Variants in KMT5B observed in about 807,000 individuals in gnomAD.
KMT5B encodes lysine methyltransferase 5B.
KMT5B carries 10 observed loss-of-function variants against 83.2 expected under a neutral mutation model. That is an observed-to-expected ratio of 0.12 (90% CI 0.07 to 0.20). The LOEUF is 0.20. Ranked by LOEUF, KMT5B falls within the 10% of genes least tolerant of loss-of-function variation. The pLI, the probability that KMT5B is intolerant of heterozygous loss-of-function variation, is 1.00. For synonymous variants in KMT5B, 349 were observed against 388.8 expected, an observed-to-expected ratio of 0.90 and a Z score of 1.20; for missense variants, 753 against 1,067.2, an observed-to-expected ratio of 0.71 and a Z score of 4.10.
chr11:68,157,984 T>C lies in KMT5B; in HGVS notation c.2362A>G (p.Arg788Gly). The change falls in exon 11 of 11, where the codon AGG (arginine) becomes GGG (glycine). Residue 788 changes from arginine (R) to glycine (G), a missense_variant. Arg to Gly is a moderately radical substitution (Grantham distance 125). Around this residue, in one of 9 missense-constraint regions of KMT5B, gnomAD observed 161 missense variants for 195.1 expected, o/e 0.83. Transcript: ENST00000304363. Reference sequence around the variant, plus strand: ...TGAAGCCCCTCTGTATAAGACCCCCTATTTTCCTCATCTCGTTTTAGCTGG... The same window carrying C: ...TGAAGCCCCTCTGTATAAGACCCCCCATTTTCCTCATCTCGTTTTAGCTGG... ...KIQLKRDEEN[R>G]GSYTEGLHEN... The C allele has an allele frequency of 1.9e-6, 3 of 1,614,132 alleles. No individual in the cohort carries two copies. The highest frequency in any genetic ancestry group is 1.1e-5 in the South Asian group (1 of 91,076).
chr11:68,172,776 C>A (rs71459691), intron 6 of KMT5B, among the ~76,000 whole-genome samples: 15,157 of 152,066 alleles, frequency 0.1, 827 homozygotes, highest in East Asian at 0.23. Context: ...CATAATCCAA[C>A]TAGCAGGCTC....
At chr11:68,173,672 C>A (rs1020180520) in intron 6 of KMT5B, 132 bp downstream of exon 6, 7 of 617,234 alleles carry the variant, frequency 1.1e-5, no homozygotes, top group Non-Finnish European at 1.7e-5. Flanking sequence ...TGGGCCAAGG[C>A]AACGGCGATG....
At chr11:68,200,524 GA>G in intron 1 of KMT5B, among the ~76,000 whole-genome samples, 1 of 152,292 alleles carries the variant, frequency 6.6e-6, no homozygotes, top group South Asian at 2.1e-4. Flanking sequence ...TTTGCTTTAA[GA>G]AACAGATGGC....
In KMT5B at chr11:68,158,317, C is replaced by T; in HGVS notation, c.2029G>A (p.Val677Ile). 6.2e-7 allele frequency: 1 copy of T among 1,614,196 alleles called. No individual in the cohort carries two copies. The highest frequency in any genetic ancestry group is 1.1e-5 in the South Asian group (1 of 91,082). ...DCAPSPVGCS[V>I]VTSDSFKTKD... is the part of the protein sequence containing the mutation. The stretch of plus-strand genomic sequence containing the variant: ...GTTTTGAAGCTATCTGATGTCACAA[C>T]TGAACAACCGACGGGTGAAGGAGCA... The change falls in exon 11 of 11, where the codon GTT (valine) becomes ATT (isoleucine). Residue 677 changes from valine (V) to isoleucine (I), a missense_variant. Around this residue, in one of 9 missense-constraint regions of KMT5B, gnomAD observed 397 missense variants for 395.9 expected, o/e 1.00. Coordinates refer to ENST00000304363, the MANE Select transcript of KMT5B (RefSeq NM_017635.5).
intron 9 of KMT5B, among the ~76,000 whole-genome samples, chr11:68,170,396 G>C (rs1352160477): frequency 6.6e-6 from 1 of 152,120 alleles, no homozygotes; most frequent in Non-Finnish European, 1.5e-5. Context: ...CCTTTGAGGG[G>C]ACTCTTCCTG....
At chr11:68,204,127 C>CTTCA (rs1343738139) in intron 1 of KMT5B, among the ~76,000 whole-genome samples, 20 of 152,044 alleles carry the variant, frequency 1.3e-4, no homozygotes, top group South Asian at 6.2e-4. Context: ...AGGTAGAATG[C>CTTCA]TTCACCCACT....
intron 4 of KMT5B, chr11:68,179,783 TAGACGCTGAGTGAGG>T: frequency 2.0e-6 from 1 of 489,236 alleles, no homozygotes; most frequent in Non-Finnish European, 3.1e-6. Context: ...CCACAGTTTG[TAGACGCTGAGTGAGG>T]AGTCGCAGAT....
At position 68,189,827 on chromosome 11, in the gene KMT5B, A is replaced by G; in HGVS notation, c.160+90T>C. ...ATGAAAATGCAAAAAATTATTTAAG[A>G]CAAAAGAAAACAGAATACACATTAC... On this transcript the variant is annotated intron_variant, in intron 2 of 10. Transcript: ENST00000304363. 3.1e-6 allele frequency: 4 copies of G among 1,308,564 alleles called. No individual in the cohort carries two copies. The South Asian group carries it at 6.8e-5, about 22-fold the overall frequency. The allele number at this position is 1,308,564 out of a possible 1,614,324, so 81.1% of individuals were successfully genotyped here.
At chr11:68,164,155 T>C (rs900835416) in intron 10 of KMT5B, among the ~76,000 whole-genome samples, 2 of 152,212 alleles carry the variant, frequency 1.3e-5, no homozygotes, top group Admixed American at 6.5e-5. Context: ...GATTCCTTGT[T>C]GTCTCTACTT....
intron 3 of KMT5B, among the ~76,000 whole-genome samples, chr11:68,185,246 C>A (rs1313877369): frequency 6.6e-6 from 1 of 152,010 alleles, no homozygotes. Context: ...GCTCTTGTTG[C>A]CCAGACTGGA....
Position 68,157,673 on chromosome 11 carries a change from G to C in KMT5B, c.*15C>G. The C allele has an allele frequency of 6.5e-7, 1 of 1,527,242 alleles. No individual in the cohort carries two copies. Among genetic ancestry groups the C allele is most frequent in the Non-Finnish European group, 8.8e-7 (1 of 1,140,306 alleles). The allele number at this position is 1,527,242 out of a possible 1,614,324, so 94.6% of individuals were successfully genotyped here. On this transcript the variant is annotated 3_prime_UTR_variant, in exon 11 of 11. Coordinates refer to ENST00000304363, the MANE Select transcript of KMT5B (RefSeq NM_017635.5). Reference sequence around the variant, plus strand: ...CTTTAAAGTAGTTATCCCAGGTCAAGTTAAGACCAAGAGCTTAGGCATTAA... The same window carrying C: ...CTTTAAAGTAGTTATCCCAGGTCAACTTAAGACCAAGAGCTTAGGCATTAA...
At chr11:68,212,819 A>G (rs1861098840) in intron 1 of KMT5B, 1 of 151,872 alleles carries the variant, frequency 6.6e-6, no homozygotes, top group Admixed American at 6.5e-5. Context: ...GAGAAAAGGG[A>G]AAACAGAGTC....
chr11:68,179,951 T>C (rs1202981370), intron 4 of KMT5B, 181 bp downstream of exon 4: 1 of 650,086 alleles, frequency 1.5e-6, no homozygotes. Flanking sequence ...AATCACCCTG[T>C]TATGAAGTAC....
At chr11:68,206,040 C>T (rs896701016) in intron 1 of KMT5B, among the ~76,000 whole-genome samples, 6 of 152,186 alleles carry the variant, frequency 3.9e-5, no homozygotes, top group Non-Finnish European at 7.3e-5. Context: ...ACATTCAATA[C>T]GTATTTACGA....
chr11:68,210,910 T>C (rs1860813961), intron 1 of KMT5B, among the ~76,000 whole-genome samples: 1 of 152,122 alleles, frequency 6.6e-6, no homozygotes, highest in African/African-American at 2.4e-5. Flanking sequence ...GTAAAGCTCA[T>C]ACATGGTACA....
In KMT5B at chr11:68,158,930, C is replaced by T. The variant is rs1157451590; in HGVS notation, c.1416G>A (p.Met472Ile). Reference sequence around the variant, plus strand: ...TAGGCTCTTTCAGTACTAAGTTTCCCATTTCGAGTTTTCTTGAAGCATTCT... The same window carrying T: ...TAGGCTCTTTCAGTACTAAGTTTCCTATTTCGAGTTTTCTTGAAGCATTCT... ...EQKNASRKLE[M>I]GNLVLKEPKV... The change falls in exon 11 of 11, where the codon ATG becomes ATA. Residue 472 changes from methionine (M) to isoleucine (I), a missense_variant. Around this residue, in one of 9 missense-constraint regions of KMT5B, gnomAD observed 397 missense variants for 395.9 expected, o/e 1.00. Transcript: ENST00000304363. 6.2e-7 allele frequency: 1 copy of T among 1,613,716 alleles called. No homozygotes were observed. The highest frequency in any genetic ancestry group is 8.5e-7 in the Non-Finnish European group (1 of 1,179,964).
At chr11:68,207,693 A>C (rs574637545) in intron 1 of KMT5B, among the ~76,000 whole-genome samples, 235 of 148,974 alleles carry the variant, frequency 1.6e-3, no homozygotes, top group Middle Eastern at 0.014. Context: ...CGGGAGGCTG[A>C]GGCAGGAGAA....
chr11:68,184,071 T>C (rs1857203854), intron 3 of KMT5B, among the ~76,000 whole-genome samples: 2 of 152,156 alleles, frequency 1.3e-5, no homozygotes, highest in Admixed American at 6.5e-5. Flanking sequence ...GGTAAAGATA[T>C]ATGACAGAAA....
chr11:68,166,729 T>C, intron 10 of KMT5B: 1 of 1,337,034 alleles, frequency 7.5e-7, no homozygotes, highest in Non-Finnish European at 9.6e-7. Context: ...CCTTGGAACA[T>C]ATGATGAAGA....
Sources: gnomAD v4.1 joint callset for allele counts (sites outside exome capture counted in the v4.1 genomes callset) on GRCh38, gnomAD v4.1.1 for gene constraint, gnomAD v4.1.1 regional missense constraint, MANE v1.5 for transcripts, NCBI Gene and HGNC (gene_info 2026-07-23, HGNC 2026-07-21) for gene names.